RAB37: variants seen among roughly 807,000 people sequenced by gnomAD.
RAB37 encodes the protein RAB37, member RAS oncogene family.
In RAB37, 29 loss-of-function variants were observed where a neutral mutation model predicts 33.1. The observed-to-expected ratio is 0.88, with a 90% confidence interval of 0.65 to 1.20. RAB37 has a LOEUF of 1.20. Ranked by LOEUF, RAB37 falls within the 50% of genes most tolerant of loss-of-function variation. RAB37 has a pLI of 0.00. For missense variants in RAB37, 299 were observed against 301.1 expected (o/e 0.99, Z 0.05); for synonymous variants, 128 against 119.5 (o/e 1.07, Z -0.47).
At chr17:74,695,048 A>G (rs991658719) in intron 1 of RAB37, 2 of 1,582,640 alleles carry the variant, frequency 1.3e-6, no homozygotes, top group Non-Finnish European at 1.7e-6. Flanking sequence ...TCGATGAGGC[A>G]GGAGTGTGCT....
At chr17:74,686,738 G>A (rs2032063153) in intron 1 of RAB37, among the ~76,000 whole-genome samples, 1 of 152,050 alleles carries the variant, frequency 6.6e-6, no homozygotes. Context: ...ATCTCCACTG[G>A]TTCTTTCCCT....
At chr17:74,724,628 G>A (rs138786442) in intron 1 of RAB37, among the ~76,000 whole-genome samples, 214 of 152,316 alleles carry the variant, frequency 1.4e-3, no homozygotes, top group African/African-American at 4.7e-3. Context: ...GATTATCATT[G>A]GTTCTTACAG....
chr17:74,712,697 A>T, intron 1 of RAB37: 1 of 894,830 alleles, frequency 1.1e-6, no homozygotes, highest in South Asian at 1.5e-5. Flanking sequence ...AATGGTGGGT[A>T]TGTGGATGAA....
chr17:74,700,908 GTGAGGTC>G (rs2032995096), intron 1 of RAB37, among the ~76,000 whole-genome samples: 1 of 151,370 alleles, frequency 6.6e-6, no homozygotes, highest in Admixed American at 6.6e-5. Flanking sequence ...TTGAGGTTAA[GTGAGGTC>G]ACTGGGGCAG....
chr17:74,736,612 G>A, upstream of RAB37: 2 of 1,533,628 alleles, frequency 1.3e-6, no homozygotes. Context: ...CTCTCCCCTG[G>A]TGGGACATTC....
chr17:74,718,309 T>TAC (rs1399747118), intron 1 of RAB37, among the ~76,000 whole-genome samples: 5 of 140,558 alleles, frequency 3.6e-5, no homozygotes, highest in Non-Finnish European at 7.7e-5. Flanking sequence ...CATCATATCA[T>TAC]ATCATACATC....
chr17:74,743,206 C>T lies in RAB37; in HGVS notation c.313+11C>T, dbSNP rs781114221. On this transcript the variant is annotated intron_variant, in intron 4 of 8. Coordinates refer to ENST00000392613, the MANE Select transcript of RAB37 (RefSeq NM_001006638.3). ...ACAGAGATGCTCAGGGTGAGTCCCT[C>T]GCACCCTCCAACCCCTACCCCAGCC... is the stretch of plus-strand genomic sequence containing the variant. The T allele has an allele frequency of 1.1e-5, 18 of 1,613,750 alleles. No homozygotes were observed. The highest frequency in any genetic ancestry group is 1.4e-5 in the Non-Finnish European group (17 of 1,179,874).
At position 74,709,495 on chromosome 17, in the gene RAB37, A is replaced by T. The variant is rs114403001; in HGVS notation, c.73-19761A>T. On this transcript the variant is annotated intron_variant, in intron 1 of 7. Transcript: ENST00000340415. ...TAACATGGATGTTGAAGTTTTATGC[A>T]CTTTTTTGTACATTTTATTTTCCAC... is the stretch of plus-strand genomic sequence containing the variant. Among the ~76,000 whole-genome samples, 1,346 of 152,282 alleles carry T rather than the reference A, an allele frequency of 8.8e-3. 17 individuals carry two copies. The highest frequency in any genetic ancestry group is 0.03 in the African/African-American group (1,250 of 41,562).
In RAB37 at chr17:74,746,606, T is replaced by C. The variant is rs1028751564; in HGVS notation, c.*1195T>C. 4 of 152,092 alleles carry C rather than the reference T, an allele frequency of 2.6e-5. No homozygotes were observed. Among genetic ancestry groups the C allele is most frequent in the Non-Finnish European group, 5.9e-5 (4 of 68,010 alleles). The allele number at this position is 152,092 out of a possible 1,614,324, so 9.4% of individuals were successfully genotyped here. On this transcript the variant is annotated 3_prime_UTR_variant, in exon 9 of 9. Transcript: ENST00000392613. This position sits in a 1 kb window ranked among gnomAD's most constrained non-coding sequence, Gnocchi z 5.2. ...AAGCAGCTGAAGTGTTTAGCCCTCC[T>C]GGGTTAAGAGCCAGATAAGGAGAAA... is the stretch of plus-strand genomic sequence containing the variant.
chr17:74,740,741 T>G, intron 1 of RAB37, 27 bp from the exon 2 acceptor site: 1 of 1,519,792 alleles, frequency 6.6e-7, no homozygotes, highest in Non-Finnish European at 9.1e-7. Context: ...TGACTCCCCA[T>G]TAACTGCCTC....
intron 1 of RAB37, among the ~76,000 whole-genome samples, chr17:74,696,450 GC>G (rs2032485850): frequency 6.6e-6 from 1 of 152,186 alleles, no homozygotes; most frequent in Non-Finnish European, 1.5e-5. Flanking sequence ...CCAGCCCCCT[GC>G]TCCCCACATC....
At chr17:74,698,679 G>A in intron 1 of RAB37, 1 of 1,356,258 alleles carries the variant, frequency 7.4e-7, no homozygotes, top group Non-Finnish European at 9.7e-7. Context: ...AGAAGGGAAT[G>A]GAACAAGAGA....
Position 74,745,901 on chromosome 17 carries a change from C to G in RAB37, c.*490C>G, listed in dbSNP as rs1321389853. Reference sequence around the variant, plus strand: ...CCGCTCTCCAGGAGCTTATCTTCGCCCCATCTCCCAAATAAGTGGGCCCTT... The same window carrying G: ...CCGCTCTCCAGGAGCTTATCTTCGCGCCATCTCCCAAATAAGTGGGCCCTT... On this transcript the variant is annotated 3_prime_UTR_variant, in exon 9 of 9. Coordinates refer to ENST00000392613, the MANE Select transcript of RAB37 (RefSeq NM_001006638.3). This position sits in a 1 kb window ranked among gnomAD's most constrained non-coding sequence, Gnocchi z 4.5. 2 of 155,594 alleles carry G rather than the reference C, an allele frequency of 1.3e-5. No homozygotes were observed. Among genetic ancestry groups the G allele is most frequent in the African/African-American group, 4.8e-5 (2 of 41,452 alleles). The allele number at this position is 155,594 out of a possible 1,614,324, so 9.6% of individuals were successfully genotyped here. A position where few individuals can be genotyped will look rare whatever the true frequency, so the allele number is the denominator to read the frequency against.
intron 1 of RAB37, among the ~76,000 whole-genome samples, chr17:74,689,409 C>T (rs2032117830): frequency 6.6e-6 from 1 of 151,852 alleles, no homozygotes. Flanking sequence ...CGCCACTGCA[C>T]TCCAGCCCGG....
At chr17:74,739,599 G>A (rs1351446993) in intron 1 of RAB37, among the ~76,000 whole-genome samples, 2 of 142,980 alleles carry the variant, frequency 1.4e-5, no homozygotes, top group South Asian at 2.2e-4. Flanking sequence ...ATGCAATCTC[G>A]GCTCACTGCA....
At chr17:74,681,396 C>T (rs1245545339) in intron 1 of RAB37, among the ~76,000 whole-genome samples, 1 of 152,242 alleles carries the variant, frequency 6.6e-6, no homozygotes, top group Non-Finnish European at 1.5e-5. Context: ...AGCCCATGTC[C>T]AAGAAAGGAA....
intron 1 of RAB37, among the ~76,000 whole-genome samples, chr17:74,719,165 A>G (rs1015880924): frequency 6.6e-6 from 1 of 152,218 alleles, no homozygotes; most frequent in African/African-American, 2.4e-5. Context: ...GGTAAAATGC[A>G]GGCCAAGTTT....
At position 74,744,961 on chromosome 17, in the gene RAB37, G is replaced by A. The variant is rs777819637; in HGVS notation, c.489+32G>A. The A allele has an allele frequency of 6.2e-7, 1 of 1,614,226 alleles. No individual in the cohort carries two copies. The highest frequency in any genetic ancestry group is 1.7e-5 in the Admixed American group (1 of 60,036). ...GATTGTCTGTGGGACAGGGTGAAGG[G>A]TGGGGGCAACCCGACGCTGGCCCTG... On this transcript the variant is annotated intron_variant, in intron 7 of 8. Transcript: ENST00000392613. The surrounding 1 kb of genome is among the most constrained non-coding windows in gnomAD (Gnocchi z 4.2).
rs7216842 is a variant in RAB37, at chr17:74,671,522, C to A, written c.-65C>A. The A allele has an allele frequency of 3.3e-6, 5 of 1,519,194 alleles. No individual in the cohort carries two copies. In the Admixed American group the frequency reaches 6.8e-5, roughly 21 times the overall value. 94.1% of individuals were successfully genotyped at this position (1,519,194 alleles called of 1,614,324 possible). A position where few individuals can be genotyped will look rare whatever the true frequency, so the allele number is the denominator to read the frequency against. On this transcript the variant is annotated 5_prime_UTR_variant, in exon 1 of 8. Transcript: ENST00000340415. The surrounding 1 kb of genome is among the most constrained non-coding windows in gnomAD (Gnocchi z 5.0). The stretch of plus-strand genomic sequence containing the variant: ...CCTGCCGCACCCAGCGGAGCTCGAA[C>A]CGAGCTCCTGGAAGCGCTGACGCAG...
Sources: allele counts gnomAD v4.1 joint callset (sites outside exome capture counted in the v4.1 genomes callset), GRCh38; gene constraint gnomAD v4.1.1; non-coding constraint Gnocchi (gnomAD v3.1); transcripts MANE v1.5; gene names NCBI Gene and HGNC (gene_info 2026-07-23, HGNC 2026-07-21).